Variants in ZNF577 observed in about 807,000 individuals in gnomAD.
ZNF577 encodes zinc finger protein 577.
ZNF577 carries 14 observed loss-of-function variants against 13.9 expected under a neutral mutation model. The ratio of observed to expected loss-of-function variants is 1.00; its 90% CI spans 0.66 to 1.57. The LOEUF (loss-of-function observed/expected upper bound fraction) is 1.57. Ranked by LOEUF, ZNF577 falls within the 40% of genes most tolerant of loss-of-function variation. ZNF577 has a pLI of 0.00. For missense variants in ZNF577, 555 were observed against 579.2 expected (o/e 0.96, Z 0.43); for synonymous variants, 203 against 202.9 (o/e 1.00, Z 0.00).
intron 9 of ZNF577, among the ~76,000 whole-genome samples, chr19:51,837,057 A>G (rs1274188670): frequency 7.0e-6 from 1 of 143,114 alleles, no homozygotes; most frequent in Non-Finnish European, 1.5e-5. Flanking sequence ...AAAAAAAAAA[A>G]AAGAAAAGAA....
At chr19:51,850,546 G>C (rs2084374373) in intron 5 of ZNF577, among the ~76,000 whole-genome samples, 1 of 152,204 alleles carries the variant, frequency 6.6e-6, no homozygotes, top group Non-Finnish European at 1.5e-5. Context: ...TCCCTCTACT[G>C]ACTTTGTTCT....
At position 51,870,617 on chromosome 19, in the gene ZNF577, G is replaced by T. The variant is rs1476600338; in HGVS notation, c.*1915C>A. 1.4e-5 allele frequency among the ~76,000 whole-genome samples: 2 copies of T among 147,242 alleles called. No individual in the cohort carries two copies. The highest frequency in any genetic ancestry group is 6.8e-5 in the Admixed American group (1 of 14,792). On this transcript the variant is annotated 3_prime_UTR_variant, in exon 6 of 6. Coordinates refer to ENST00000638348, the MANE Select transcript of ZNF577 (RefSeq NM_001370449.1). ...CTGTTCTTCCTCCAGCCTAGGGGGG[G>T]TTTCTCACATACATATGCTGATTAT... is the stretch of plus-strand genomic sequence containing the variant.
At chr19:51,883,042 A>G (rs2084887508) in intron 1 of ZNF577, among the ~76,000 whole-genome samples, 1 of 147,540 alleles carries the variant, frequency 6.8e-6, no homozygotes, top group South Asian at 2.1e-4. Flanking sequence ...TCGCCAGGCT[A>G]GAGTGCAGTA....
intron 9 of ZNF577, among the ~76,000 whole-genome samples, chr19:51,811,889 C>T (rs1197142530): frequency 6.6e-6 from 1 of 152,168 alleles, no homozygotes; most frequent in Non-Finnish European, 1.5e-5. Flanking sequence ...CATATAGCCT[C>T]CAGTGGAATG....
rs764551337 is a variant in ZNF577 at position 51,824,633 on chromosome 19, C to T, written c.*600-12959G>A. 1.2e-6 allele frequency: 2 copies of T among 1,614,150 alleles called. No individual in the cohort carries two copies. Among genetic ancestry groups the T allele is most frequent in the South Asian group, 2.2e-5 (2 of 91,088 alleles). ...CAAGCTCCTTGGCCTTTTTTAACAG[C>T]TGCCTCAACCCAATTCTCTACGTCT... is the stretch of plus-strand genomic sequence containing the variant. On this transcript the variant is annotated intron_variant and NMD_transcript_variant, in intron 9 of 10. Transcript: ENST00000638827. This position sits in a 1 kb window ranked among gnomAD's most constrained non-coding sequence, Gnocchi z 4.7.
intron 9 of ZNF577, among the ~76,000 whole-genome samples, chr19:51,813,811 G>A (rs943494400): frequency 6.6e-6 from 1 of 152,174 alleles, no homozygotes; most frequent in African/African-American, 2.4e-5. Context: ...TGGGATTACA[G>A]GCATAAGCCA....
chr19:51,829,846 C>A (rs2084252643), intron 9 of ZNF577, among the ~76,000 whole-genome samples: 1 of 152,164 alleles, frequency 6.6e-6, no homozygotes, highest in Non-Finnish European at 1.5e-5. Context: ...TGCATTCCTT[C>A]CTGCTATCAC....
chr19:51,822,232 C>T (rs1458429764), intron 9 of ZNF577, among the ~76,000 whole-genome samples: 1 of 152,172 alleles, frequency 6.6e-6, no homozygotes, highest in African/African-American at 2.4e-5. Flanking sequence ...CCAGGATATC[C>T]TCCCATAGTG....
downstream of ZNF577, among the ~76,000 whole-genome samples, chr19:51,864,813 C>T (rs189527911): frequency 6.6e-6 from 1 of 152,284 alleles, no homozygotes; most frequent in East Asian, 1.9e-4. Flanking sequence ...AGAGGTCACA[C>T]TGGGAACAAA....
intron 8 of ZNF577, among the ~76,000 whole-genome samples, chr19:51,841,781 T>A (rs2084322289): frequency 6.6e-6 from 1 of 152,176 alleles, no homozygotes; most frequent in African/African-American, 2.4e-5. Context: ...TAGCCAGGCA[T>A]GGTGGCAGGC....
intron 9 of ZNF577, among the ~76,000 whole-genome samples, chr19:51,819,461 G>A (rs999455069): frequency 3.3e-5 from 5 of 152,052 alleles, no homozygotes; most frequent in African/African-American, 9.7e-5. Context: ...ACAACCAAGA[G>A]TGGATTGTGT....
At position 51,867,517 on chromosome 19, in the gene ZNF577, G is replaced by C. The variant is rs923843989; in HGVS notation, c.*5015C>G. 6.6e-6 allele frequency among the ~76,000 whole-genome samples: 1 copy of C among 151,662 alleles called. No homozygotes were observed. The highest frequency in any genetic ancestry group is 2.4e-5 in the African/African-American group (1 of 41,258). On this transcript the variant is annotated 3_prime_UTR_variant, in exon 6 of 6. Transcript: ENST00000638348. The stretch of plus-strand genomic sequence containing the variant: ...TGGCCAGGCGCGGTGGCTCACACCT[G>C]TAATCCCAGCACTTTGGGAGGCTGA...
At chr19:51,874,290 C>CA (rs1241306807) in intron 5 of ZNF577, among the ~76,000 whole-genome samples, 10 of 152,118 alleles carry the variant, frequency 6.6e-5, no homozygotes, top group Non-Finnish European at 1.3e-4. Context: ...ATGAACCTGT[C>CA]ATTCAGGTAA....
chr19:51,821,942 T>C (rs1216412580), intron 9 of ZNF577, among the ~76,000 whole-genome samples: 1 of 152,208 alleles, frequency 6.6e-6, no homozygotes, highest in South Asian at 2.1e-4. Flanking sequence ...AGGAAGAGTC[T>C]CTAATTTTCC....
chr19:51,836,053 C>T (rs2084285978), intron 9 of ZNF577, among the ~76,000 whole-genome samples: 1 of 152,174 alleles, frequency 6.6e-6, no homozygotes. Flanking sequence ...ACATACTTTA[C>T]ACATTAGTGG....
At chr19:51,845,182 C>T (rs1265962626) in intron 5 of ZNF577, among the ~76,000 whole-genome samples, 1 of 152,106 alleles carries the variant, frequency 6.6e-6, no homozygotes, top group African/African-American at 2.4e-5. Flanking sequence ...GAAATCTATT[C>T]TCTTAAGCAA....
At chr19:51,817,401 G>C (rs2084145518) in intron 9 of ZNF577, among the ~76,000 whole-genome samples, 1 of 152,132 alleles carries the variant, frequency 6.6e-6, no homozygotes, top group Non-Finnish European at 1.5e-5. Context: ...GAGAGAGAGA[G>C]AGAGAGAAAA....
intron 9 of ZNF577, among the ~76,000 whole-genome samples, chr19:51,829,775 A>G (rs2084252127): frequency 6.6e-6 from 1 of 152,198 alleles, no homozygotes; most frequent in Non-Finnish European, 1.5e-5. Flanking sequence ...TGGCAACTGC[A>G]CAAGTCCCCT....
chr19:51,873,177 C>A lies in ZNF577; in HGVS notation c.813G>T (p.Gly271=), dbSNP rs1195076637. Residue 271 remains glycine, a synonymous_variant, in exon 6 of 6, where the codon GGG becomes GGT. Coordinates refer to ENST00000638348, the MANE Select transcript of ZNF577 (RefSeq NM_001370449.1). Reference sequence around the variant, plus strand: ...AAAAGGCTTTCCCACACACACTGCACCCATAGAGTTTCTCTCCAGTATGTG... The same window carrying A: ...AAAAGGCTTTCCCACACACACTGCAACCATAGAGTTTCTCTCCAGTATGTG... ...QRSHTGEKLY[G]CSVCGKAFSQ... The A allele has an allele frequency of 1.2e-6, 2 of 1,613,892 alleles. No individual in the cohort carries two copies. Among genetic ancestry groups the A allele is most frequent in the South Asian group, 1.1e-5 (1 of 91,078 alleles).
Sources: gnomAD v4.1 joint callset for allele counts (sites outside exome capture counted in the v4.1 genomes callset) on GRCh38, gnomAD v4.1.1 for gene constraint, Gnocchi (gnomAD v3.1) non-coding constraint, MANE v1.5 for transcripts, NCBI Gene and HGNC (gene_info 2026-07-23, HGNC 2026-07-21) for gene names.